The following EPB41L3 variants were observed in gnomAD, a reference collection of about 807,000 sequenced individuals.
EPB41L3 encodes the protein erythrocyte membrane protein band 4.1 like 3.
A neutral mutation model predicts 127.1 loss-of-function variants in EPB41L3; 57 were observed. The ratio of observed to expected loss-of-function variants is 0.45; its 90% CI spans 0.36 to 0.56. EPB41L3 has a LOEUF of 0.56. Among genes scored for constraint, EPB41L3 ranks in the 20% least tolerant of loss-of-function variants. The probability of loss-of-function intolerance (pLI) is 0.00; values close to 1 mark genes in which losing one functional copy is unlikely to be tolerated. For missense variants in EPB41L3, 1,273 were observed against 1,372.2 expected, an observed-to-expected ratio of 0.93 and a Z score of 1.14; for synonymous variants, 572 against 549.5, an observed-to-expected ratio of 1.04 and a Z score of -0.57.
intron 1 of EPB41L3, chr18:5,540,509 C>T (rs1455379048): frequency 2.6e-5 from 26 of 985,326 alleles, no homozygotes; most frequent in Middle Eastern, 5.2e-4. Flanking sequence ...TGCTCCAGTC[C>T]TTGCTTCTGA....
intron 8 of EPB41L3, 123 bp downstream of exon 8, chr18:5,433,346 G>C: frequency 1.5e-6 from 1 of 681,606 alleles, no homozygotes; most frequent in Middle Eastern, 4.1e-4. Context: ...AAGACAAGCA[G>C]AGATTTGAAT....
intron 1 of EPB41L3, among the ~76,000 whole-genome samples, chr18:5,509,976 C>G (rs1416792568): frequency 6.6e-6 from 1 of 152,090 alleles, no homozygotes; most frequent in Non-Finnish European, 1.5e-5. Flanking sequence ...ACACACTCAC[C>G]CCATATTACA....
intron 3 of EPB41L3, among the ~76,000 whole-genome samples, chr18:5,462,718 C>A (rs1039959794): frequency 2.0e-5 from 3 of 152,194 alleles, no homozygotes; most frequent in Non-Finnish European, 4.4e-5. Context: ...AGGCTCTTTT[C>A]TTCTTGCTCA....
chr18:5,393,246 T>G lies in EPB41L3; in HGVS notation c.*239A>C. 1 of 425,392 alleles carries G rather than the reference T, an allele frequency of 2.4e-6. No homozygotes were observed. Among genetic ancestry groups the G allele is most frequent in the East Asian group, 3.5e-5 (1 of 28,232 alleles). 26.4% of individuals were successfully genotyped at this position (425,392 alleles called of 1,614,324 possible). On this transcript the variant is annotated 3_prime_UTR_variant, in exon 23 of 23. Transcript: ENST00000341928. ...GTGAAAATTAAAAATGCTGCTCTTTTGTAATTTTATCGTTGCTTCATGCAT... is the reference window on the plus strand; with the variant it reads ...GTGAAAATTAAAAATGCTGCTCTTTGGTAATTTTATCGTTGCTTCATGCAT...
chr18:5,487,728 G>A (rs1484245103), intron 2 of EPB41L3, among the ~76,000 whole-genome samples: 3 of 150,036 alleles, frequency 2.0e-5, no homozygotes. Flanking sequence ...CCTCCCAAAA[G>A]TCCTGGGATT....
chr18:5,542,225 CTCTTT>C (rs572989281), intron 1 of EPB41L3, among the ~76,000 whole-genome samples: 65 of 152,214 alleles, frequency 4.3e-4, no homozygotes, highest in Non-Finnish European at 9.0e-4. Context: ...ATGTGCTGCT[CTCTTT>C]TCTTAATAGG....
chr18:5,551,516 G>C (rs776278599), intron 3 of EPB41L3, among the ~76,000 whole-genome samples: 42 of 152,092 alleles, frequency 2.8e-4, no homozygotes, highest in Non-Finnish European at 5.0e-4. Flanking sequence ...CTTGAGCCCA[G>C]GAGTTTGAGT....
Position 5,438,179 on chromosome 18 carries a change from C to G in EPB41L3, c.530-69G>C. 4.2e-6 allele frequency: 6 copies of G among 1,441,870 alleles called. No homozygotes were observed. In the South Asian group the frequency reaches 6.1e-5, roughly 15 times the overall value. The allele number at this position is 1,441,870 out of a possible 1,614,324, so 89.3% of individuals were successfully genotyped here. ...TTATGACTCTAATCGATGGCCAGAA[C>G]TGCCTTAACTCCAAGCATTAACACC... is the stretch of plus-strand genomic sequence containing the variant. On this transcript the variant is annotated intron_variant, in intron 5 of 22. Coordinates refer to ENST00000341928, the MANE Select transcript of EPB41L3 (RefSeq NM_012307.5).
At chr18:5,412,191 A>G (rs553204751) in intron 13 of EPB41L3, among the ~76,000 whole-genome samples, 1 of 152,202 alleles carries the variant, frequency 6.6e-6, no homozygotes, top group South Asian at 2.1e-4. Context: ...AATAAGAATG[A>G]CTTGCACTTA....
chr18:5,401,272 C>A (rs901831781), intron 16 of EPB41L3, among the ~76,000 whole-genome samples: 2 of 152,088 alleles, frequency 1.3e-5, no homozygotes, highest in Non-Finnish European at 1.5e-5. Context: ...CTCAGATTTT[C>A]TGAAACTTTG....
At chr18:5,507,346 C>G (rs567685346) in intron 1 of EPB41L3, among the ~76,000 whole-genome samples, 1 of 152,098 alleles carries the variant, frequency 6.6e-6, no homozygotes, top group South Asian at 2.1e-4. Flanking sequence ...TTGATATGAG[C>G]CTTGTCTTTT....
chr18:5,630,298 C>T, upstream of EPB41L3: 3 of 504,330 alleles, frequency 5.9e-6, no homozygotes, highest in South Asian at 4.3e-5. Flanking sequence ...GGCAGGCGGC[C>T]CGCACCCGCG....
At chr18:5,606,374 T>C (rs1222144578) in intron 3 of EPB41L3, among the ~76,000 whole-genome samples, 1 of 152,126 alleles carries the variant, frequency 6.6e-6, no homozygotes. Flanking sequence ...ACATAAAATT[T>C]TTTGAACATC....
At chr18:5,507,141 T>C (rs755447192) in intron 1 of EPB41L3, among the ~76,000 whole-genome samples, 1 of 152,150 alleles carries the variant, frequency 6.6e-6, no homozygotes, top group Non-Finnish European at 1.5e-5. Flanking sequence ...ATGTTCCTTA[T>C]TTTATCTTCC....
intron 1 of EPB41L3, chr18:5,529,051 G>A (rs949591669): frequency 1.3e-5 from 2 of 152,308 alleles, no homozygotes; most frequent in East Asian, 3.9e-4. Context: ...AGAAGAAAGA[G>A]AGCATATTAA....
chr18:5,420,003 T>A, intron 11 of EPB41L3, 126 bp from the exon 12 acceptor site: 1 of 1,526,252 alleles, frequency 6.6e-7, no homozygotes, highest in Admixed American at 2.1e-5. Context: ...CAATACCAAC[T>A]ATATCTTTAC....
At chr18:5,544,630 C>G (rs894500228), upstream of EPB41L3, among the ~76,000 whole-genome samples, 2 of 152,110 alleles carry the variant, frequency 1.3e-5, no homozygotes, top group African/African-American at 4.8e-5. Flanking sequence ...AGAAGTAACT[C>G]CTGGTCATCT....
intron 13 of EPB41L3, 34 bp downstream of exon 13, chr18:5,415,784 G>A (rs201059595): frequency 2.9e-5 from 46 of 1,588,952 alleles, no homozygotes; most frequent in Non-Finnish European, 3.6e-5. Flanking sequence ...CACGGAACAC[G>A]AAGGGGAAGC....
chr18:5,586,855 G>A (rs2094446777), intron 3 of EPB41L3, among the ~76,000 whole-genome samples: 1 of 152,054 alleles, frequency 6.6e-6, no homozygotes, highest in African/African-American at 2.4e-5. Context: ...GGCAGGTGTT[G>A]GAAAAACAGA....
Sources: allele counts gnomAD v4.1 joint callset (sites outside exome capture counted in the v4.1 genomes callset), GRCh38; gene constraint gnomAD v4.1.1; transcripts MANE v1.5; gene names NCBI Gene and HGNC (gene_info 2026-07-23, HGNC 2026-07-21).